Variants in SSU72 observed in about 807,000 individuals in gnomAD.
SSU72 encodes SSU72 homolog, RNA polymerase II CTD phosphatase.
SSU72 carries 12 observed loss-of-function variants against 22.7 expected under a neutral mutation model. That is an observed-to-expected ratio of 0.53 (90% CI 0.34 to 0.86). SSU72 has a LOEUF of 0.86. SSU72 is among the 40% of genes least tolerant of loss of function. The probability of loss-of-function intolerance (pLI) is 0.02; values close to 1 mark genes in which losing one functional copy is unlikely to be tolerated. For missense variants in SSU72, 151 were observed against 249.8 expected (o/e 0.60, Z 2.67); for synonymous variants, 116 against 98.3 (o/e 1.18, Z -1.06).
At chr1:1,545,194 A>C (rs1351653443) in intron 2 of SSU72, 192 bp from the exon 3 acceptor site, 1 of 626,524 alleles carries the variant, frequency 1.6e-6, no homozygotes. Flanking sequence ...CACAGAAAAC[A>C]AAGTGGGCGA....
intron 1 of SSU72, among the ~76,000 whole-genome samples, chr1:1,571,244 CAAAAAAAAAAAAAAAAAAAA>C (rs753699933): frequency 2.8e-4 from 13 of 46,896 alleles, no homozygotes; most frequent in East Asian, 8.3e-4. Flanking sequence ...GACTCCATCT[CAAAAAAAAAAAAAAAAAAAA>C]AAAAAAAAAA....
intron 2 of SSU72, among the ~76,000 whole-genome samples, chr1:1,557,449 A>G (rs188111961): frequency 6.6e-6 from 1 of 151,684 alleles, no homozygotes; most frequent in East Asian, 2.0e-4. Flanking sequence ...ATAAAGCTTC[A>G]TATCAGCATT....
chr1:1,569,054 G>A (rs1395213076), intron 1 of SSU72, among the ~76,000 whole-genome samples: 1 of 151,872 alleles, frequency 6.6e-6, no homozygotes, highest in Non-Finnish European at 1.5e-5. Flanking sequence ...CATGTCTGTA[G>A]TCCCAGCTAC....
intron 2 of SSU72, among the ~76,000 whole-genome samples, chr1:1,549,770 C>T (rs904377401): frequency 6.6e-6 from 1 of 151,928 alleles, no homozygotes; most frequent in African/African-American, 2.4e-5. Context: ...GTCAGGAGAT[C>T]GAGACCATCC....
chr1:1,559,192 AAAAGGCTGCATATGAACTGGACAGT>A (rs1188947008), intron 2 of SSU72, among the ~76,000 whole-genome samples: 1 of 152,218 alleles, frequency 6.6e-6, no homozygotes, highest in East Asian at 1.9e-4. Flanking sequence ...GCGAAAGAAC[AAAAGGCTGCATATGAACTGGACAGT>A]GTGGAATGAG....
At chr1:1,555,259 C>A (rs1232882011) in intron 2 of SSU72, among the ~76,000 whole-genome samples, 6 of 152,190 alleles carry the variant, frequency 3.9e-5, no homozygotes, top group Non-Finnish European at 7.3e-5. Context: ...AAAGCACCGA[C>A]ACAGGAGGCT....
chr1:1,573,270 A>C (rs982212277), intron 1 of SSU72, among the ~76,000 whole-genome samples: 2 of 151,364 alleles, frequency 1.3e-5, no homozygotes, highest in African/African-American at 4.8e-5. Context: ...AAATACAAAA[A>C]AAAAAAAAAA....
intron 2 of SSU72, among the ~76,000 whole-genome samples, chr1:1,559,322 GCAGCAGCAAACGGCCTTGGGAGACGAA>G (rs1642557087): frequency 6.6e-6 from 1 of 152,198 alleles, no homozygotes; most frequent in East Asian, 1.9e-4. Flanking sequence ...AGGAGAATGG[GCAGCAGCAAACGGCCTTGGGAGACGAA>G]AAGCGTCTCA....
chr1:1,558,527 T>G (rs1203717147), intron 2 of SSU72, among the ~76,000 whole-genome samples: 1 of 152,218 alleles, frequency 6.6e-6, no homozygotes. Flanking sequence ...TCAGATGCAC[T>G]TGCGTTTCAC....
intron 2 of SSU72, 194 bp from the exon 3 acceptor site, chr1:1,545,196 A>G: frequency 1.6e-6 from 1 of 627,430 alleles, no homozygotes; most frequent in Non-Finnish European, 2.7e-6. Flanking sequence ...CAGAAAACAA[A>G]GTGGGCGATG....
intron 2 of SSU72, among the ~76,000 whole-genome samples, chr1:1,550,555 G>A (rs949948977): frequency 2.0e-5 from 3 of 152,186 alleles, no homozygotes; most frequent in East Asian, 1.9e-4. Flanking sequence ...CTTGCCTCTC[G>A]CCAGACCCCA....
chr1:1,541,974 C>T lies in SSU72; in HGVS notation c.*92G>A. The T allele has an allele frequency of 1.6e-6, 2 of 1,240,748 alleles. No homozygotes were observed. The highest frequency in any genetic ancestry group is 2.3e-6 in the Non-Finnish European group (2 of 871,020). The allele number at this position is 1,240,748 out of a possible 1,614,324, so 76.9% of individuals were successfully genotyped here. ...TTTATTTGGGTAATGCTACCGTCAC[C>T]AGCAGAACACCTGTAAGTAAAAACA... On this transcript the variant is annotated 3_prime_UTR_variant, in exon 5 of 5. Transcript: ENST00000291386.
intron 1 of SSU72, 150 bp from the exon 2 acceptor site, chr1:1,565,066 A>G: frequency 8.5e-7 from 1 of 1,177,418 alleles, no homozygotes; most frequent in Non-Finnish European, 1.2e-6. Flanking sequence ...TAGGCCGGGC[A>G]TGGTGGCTCG....
In SSU72 at chr1:1,574,750, G is replaced by A. The variant is rs1342694634; in HGVS notation, c.-193C>T. 4 of 352,748 alleles carry A rather than the reference G, an allele frequency of 1.1e-5. No individual in the cohort carries two copies. The highest frequency in any genetic ancestry group is 1.9e-5 in the Non-Finnish European group (4 of 207,098). 21.9% of individuals were successfully genotyped at this position (352,748 alleles called of 1,614,324 possible). A position where few individuals can be genotyped will look rare whatever the true frequency, so the allele number is the denominator to read the frequency against. On this transcript the variant is annotated 5_prime_UTR_variant, in exon 1 of 5. Coordinates refer to ENST00000291386, the MANE Select transcript of SSU72 (RefSeq NM_014188.3). ...GGCGCCGGGCCGCGGACGGAGCGCA[G>A]GCACTGGCCTTCGGGCGCGCTGCAC...
chr1:1,542,564 C>T lies in SSU72; in HGVS notation c.484-397G>A, dbSNP rs1416892121. ...CAGCCTGGTCATCGGAGCATCCTGG[C>T]CTCCATCCACCAGAGCCCCTGGCAG... On this transcript the variant is annotated intron_variant, in intron 4 of 4. Transcript: ENST00000291386. This position sits in a 1 kb window ranked among gnomAD's most constrained non-coding sequence, Gnocchi z 4.4. Among the ~76,000 whole-genome samples the T allele has an allele frequency of 6.6e-6, 1 of 152,142 alleles. No individual in the cohort carries two copies. The highest frequency in any genetic ancestry group is 1.5e-5 in the Non-Finnish European group (1 of 68,012).
At chr1:1,562,557 G>A (rs1162745002) in intron 2 of SSU72, 1 of 152,314 alleles carries the variant, frequency 6.6e-6, no homozygotes, top group Non-Finnish European at 1.5e-5. Context: ...GGGGCTGCGT[G>A]GTCACGCATC....
intron 2 of SSU72, among the ~76,000 whole-genome samples, chr1:1,556,876 C>G (rs1215055921): frequency 6.6e-6 from 1 of 152,232 alleles, no homozygotes; most frequent in African/African-American, 2.4e-5. Context: ...TGCATTCTGT[C>G]CAGACCCTCA....
chr1:1,549,531 G>C (rs1331413458), intron 2 of SSU72, among the ~76,000 whole-genome samples: 1 of 143,850 alleles, frequency 7.0e-6, no homozygotes, highest in South Asian at 2.2e-4. Context: ...AAAAAAAAAA[G>C]AAAGAAAAAG....
rs997281529 is a variant in SSU72, at chr1:1,541,789, G to C, written c.*277C>G. On this transcript the variant is annotated 3_prime_UTR_variant, in exon 5 of 5. Coordinates refer to ENST00000291386, the MANE Select transcript of SSU72 (RefSeq NM_014188.3). The stretch of plus-strand genomic sequence containing the variant: ...GGGAAGGCAGGCACACGAAGACACA[G>C]GTATGTCGGGAAGTGCACACAAACC... The C allele has an allele frequency of 2.3e-6, 1 of 433,112 alleles. No individual in the cohort carries two copies. Among genetic ancestry groups the C allele is most frequent in the African/African-American group, 2.0e-5 (1 of 49,574 alleles). 26.8% of individuals were successfully genotyped at this position (433,112 alleles called of 1,614,324 possible).
Sources: gnomAD v4.1 joint callset for allele counts (sites outside exome capture counted in the v4.1 genomes callset) on GRCh38, gnomAD v4.1.1 for gene constraint, Gnocchi (gnomAD v3.1) non-coding constraint, MANE v1.5 for transcripts, NCBI Gene and HGNC (gene_info 2026-07-23, HGNC 2026-07-21) for gene names.